Variants in DLGAP1 observed in about 807,000 individuals in gnomAD.
DLGAP1 encodes disks large-associated protein 1.
In DLGAP1, 11 loss-of-function variants were observed where a neutral mutation model predicts 90.8. The observed-to-expected ratio is 0.12, with a 90% CI of 0.08 to 0.20. The LOEUF (loss-of-function observed/expected upper bound fraction) is 0.20, where lower values mean the gene tolerates loss of function less well. Ranked by LOEUF, DLGAP1 falls within the 10% of genes least tolerant of loss-of-function variation. DLGAP1 has a pLI of 1.00. For synonymous variants in DLGAP1, 558 were observed against 540.7 expected (o/e 1.03, Z -0.44); for missense variants, 1,050 against 1,333.8 (o/e 0.79, Z 3.31).
intron 3 of DLGAP1, among the ~76,000 whole-genome samples, chr18:3,885,067 G>A (rs1365894120): frequency 6.6e-6 from 1 of 152,118 alleles, no homozygotes; most frequent in Non-Finnish European, 1.5e-5. Flanking sequence ...GTGAGCAAGG[G>A]CAAATGATCT....
chr18:3,821,404 T>C (rs1157305740), intron 4 of DLGAP1, among the ~76,000 whole-genome samples: 1 of 150,414 alleles, frequency 6.6e-6, no homozygotes, highest in Admixed American at 6.7e-5. Flanking sequence ...TTGCCTCTGA[T>C]GAATCCGTGA....
chr18:4,062,761 T>C (rs1326063865), intron 2 of DLGAP1, among the ~76,000 whole-genome samples: 1 of 152,166 alleles, frequency 6.6e-6, no homozygotes, highest in Admixed American at 6.6e-5. Context: ...TCAAGAACTA[T>C]AGTATACCTG....
chr18:3,605,077 A>C (rs1156307747), intron 7 of DLGAP1, among the ~76,000 whole-genome samples: 1 of 152,184 alleles, frequency 6.6e-6, no homozygotes, highest in East Asian at 1.9e-4. Context: ...AGGTCCTGTC[A>C]GTCTGCAGTT....
intron 9 of DLGAP1, among the ~76,000 whole-genome samples, chr18:3,542,220 C>T (rs1299348387): frequency 2.0e-5 from 3 of 152,206 alleles, no homozygotes; most frequent in South Asian, 2.1e-4. Flanking sequence ...CATCAAAATA[C>T]GCATCTGCTC....
At chr18:3,831,100 G>T (rs1006696191) in intron 4 of DLGAP1, among the ~76,000 whole-genome samples, 1 of 152,166 alleles carries the variant, frequency 6.6e-6, no homozygotes. Context: ...GTGTGTAGAG[G>T]GGGTATGAAT....
chr18:4,240,519 TGGTG>T (rs1271897331), intron 1 of DLGAP1, among the ~76,000 whole-genome samples: 1 of 152,184 alleles, frequency 6.6e-6, no homozygotes, highest in Non-Finnish European at 1.5e-5. Context: ...TCAGATTTTC[TGGTG>T]AAAGTAGAAC....
At chr18:4,265,401 C>T (rs979732178) in intron 1 of DLGAP1, among the ~76,000 whole-genome samples, 10 of 151,786 alleles carry the variant, frequency 6.6e-5, no homozygotes, top group Non-Finnish European at 1.3e-4. Context: ...AACCTCCTGA[C>T]CTTGTGATCC....
chr18:4,214,767 T>C (rs1346888858), intron 1 of DLGAP1, among the ~76,000 whole-genome samples: 2 of 152,190 alleles, frequency 1.3e-5, no homozygotes, highest in Non-Finnish European at 2.9e-5. Flanking sequence ...ACCTTAGCAG[T>C]GAATTCCATT....
chr18:4,292,825 C>T (rs1217495338), intron 1 of DLGAP1, among the ~76,000 whole-genome samples: 2 of 152,034 alleles, frequency 1.3e-5, no homozygotes, highest in Non-Finnish European at 2.9e-5. Flanking sequence ...GACATGGGAC[C>T]AAACAACTTA....
intron 1 of DLGAP1, among the ~76,000 whole-genome samples, chr18:4,439,083 G>C (rs2083467918): frequency 6.6e-6 from 1 of 152,128 alleles, no homozygotes; most frequent in Non-Finnish European, 1.5e-5. Flanking sequence ...CCGCCCCAAA[G>C]GAGAGACTGA....
intron 3 of DLGAP1, among the ~76,000 whole-genome samples, chr18:3,987,952 G>T (rs1366261583): frequency 6.6e-6 from 1 of 152,072 alleles, no homozygotes; most frequent in Non-Finnish European, 1.5e-5. Context: ...TATGGACCAG[G>T]GCGGGGGATG....
chr18:4,207,253 C>A (rs183170818), intron 1 of DLGAP1, among the ~76,000 whole-genome samples: 101 of 152,208 alleles, frequency 6.6e-4, no homozygotes, highest in African/African-American at 2.3e-3. Context: ...CAAACACATC[C>A]CTCACATGGT....
At chr18:3,556,881 C>T (rs982760142) in intron 9 of DLGAP1, among the ~76,000 whole-genome samples, 1 of 152,066 alleles carries the variant, frequency 6.6e-6, no homozygotes, top group African/African-American at 2.4e-5. Flanking sequence ...GTTGGGAGGC[C>T]AAGGCATATG....
intron 3 of DLGAP1, among the ~76,000 whole-genome samples, chr18:3,958,996 G>T (rs2073138860): frequency 6.6e-6 from 1 of 152,118 alleles, no homozygotes; most frequent in Non-Finnish European, 1.5e-5. Context: ...TGTGATGTTG[G>T]GTCACTTTGC....
At chr18:4,343,306 C>CA (rs57366946) in intron 1 of DLGAP1, among the ~76,000 whole-genome samples, 15,751 of 104,984 alleles carry the variant, frequency 0.15, 1,095 homozygotes, top group African/African-American at 0.21. Flanking sequence ...CACTCCTTCT[C>CA]AAAAAAAAAA....
chr18:3,881,645 G>A (rs967684696), intron 3 of DLGAP1, among the ~76,000 whole-genome samples: 1 of 152,218 alleles, frequency 6.6e-6, no homozygotes, highest in Non-Finnish European at 1.5e-5. Context: ...CGGGCGCGGT[G>A]GCTCACTCCT....
At chr18:3,757,211 C>G (rs2063751981) in intron 5 of DLGAP1, among the ~76,000 whole-genome samples, 1 of 152,154 alleles carries the variant, frequency 6.6e-6, no homozygotes. Flanking sequence ...AGTTCAAGAC[C>G]AGCCTGGCCA....
chr18:3,989,548 A>C (rs552354839), intron 3 of DLGAP1, among the ~76,000 whole-genome samples: 2 of 150,884 alleles, frequency 1.3e-5, no homozygotes, highest in African/African-American at 4.8e-5. Context: ...ATTCAGCATT[A>C]ACCATCCATC....
At chr18:3,678,699 C>T (rs1342153920) in intron 7 of DLGAP1, among the ~76,000 whole-genome samples, 3 of 152,172 alleles carry the variant, frequency 2.0e-5, no homozygotes, top group African/African-American at 7.2e-5. Flanking sequence ...TATTATACCA[C>T]ACAACTTAAT....
Sources: allele counts gnomAD v4.1 joint callset (sites outside exome capture counted in the v4.1 genomes callset), GRCh38; gene constraint gnomAD v4.1.1; transcripts MANE v1.5; gene names NCBI Gene and HGNC (gene_info 2026-07-23, HGNC 2026-07-21).